Variants in SLIT3 observed in about 807,000 individuals in gnomAD.
SLIT3 encodes the protein slit guidance ligand 3, also known as slit homolog 3 protein.
In SLIT3, 68 loss-of-function variants were observed where a neutral mutation model predicts 184.0. The observed-to-expected ratio is 0.37, with a 90% CI of 0.30 to 0.45. SLIT3 has a LOEUF of 0.45. Ranked by LOEUF, SLIT3 falls within the 20% of genes least tolerant of loss-of-function variation. The probability of loss-of-function intolerance (pLI) is 1.00; values close to 1 mark genes in which losing one functional copy is unlikely to be tolerated. For missense variants in SLIT3, 1,707 were observed against 2,026.0 expected, an observed-to-expected ratio of 0.84 and a Z score of 3.02; for synonymous variants, 831 against 828.6, an observed-to-expected ratio of 1.00 and a Z score of -0.05.
chr5:169,198,473 A>G (rs577192673), intron 3 of SLIT3, among the ~76,000 whole-genome samples: 1 of 152,316 alleles, frequency 6.6e-6, no homozygotes, highest in African/African-American at 2.4e-5. Flanking sequence ...TAGAACACAG[A>G]GGTGACCTGC....
chr5:169,100,201 C>A (rs139180075), intron 4 of SLIT3, among the ~76,000 whole-genome samples: 2 of 152,188 alleles, frequency 1.3e-5, no homozygotes, highest in Non-Finnish European at 2.9e-5. Context: ...CTAGAAGAGC[C>A]TAGGAAGAAT....
rs145370570 is a variant in SLIT3, at chr5:169,245,879, T to C, written c.270-1103A>G. 1.7e-3 allele frequency among the ~76,000 whole-genome samples: 259 copies of C among 152,328 alleles called. 1 individual carries two copies. Among genetic ancestry groups the C allele is most frequent in the African/African-American group, 6.2e-3 (256 of 41,564 alleles). ...GTTCCCAAGTCTATCTTCCCCACTA[T>C]GCCTAAGGAGCAAGAAGATAGACAT... is the stretch of plus-strand genomic sequence containing the variant. On this transcript the variant is annotated intron_variant, in intron 2 of 35. Transcript: ENST00000519560.
In SLIT3 at chr5:168,753,171, TG is replaced by T. The variant is rs1754776896; in HGVS notation, c.1830-74del. The T allele has an allele frequency of 4.0e-6, 6 of 1,502,064 alleles. No individual in the cohort carries two copies. The Admixed American group carries it at 5.3e-5, about 13-fold the overall frequency. The allele number at this position is 1,502,064 out of a possible 1,614,324, so 93.0% of individuals were successfully genotyped here. The stretch of plus-strand genomic sequence containing the variant: ...TGTCCCAAATGGTGCCACGGTGGTG[TG>T]TGTGTGTGTATAGGTGAGATGCTTT... On this transcript the variant is annotated intron_variant, in intron 17 of 35. Coordinates refer to ENST00000519560, the MANE Select transcript of SLIT3 (RefSeq NM_003062.4).
At chr5:168,884,901 C>T (rs1760136265) in intron 4 of SLIT3, among the ~76,000 whole-genome samples, 1 of 151,982 alleles carries the variant, frequency 6.6e-6, no homozygotes, top group African/African-American at 2.4e-5. Context: ...CCTGAGTTGA[C>T]CTACGGACAG....
intron 1 of SLIT3, among the ~76,000 whole-genome samples, chr5:169,252,469 G>A (rs1014788189): frequency 7.9e-5 from 12 of 152,144 alleles, no homozygotes; most frequent in African/African-American, 2.2e-4. Context: ...CTGAAGTCAC[G>A]AACAAGCCTG....
chr5:168,825,635 T>C (rs937398899), intron 6 of SLIT3, among the ~76,000 whole-genome samples: 3 of 152,226 alleles, frequency 2.0e-5, no homozygotes, highest in African/African-American at 7.2e-5. Flanking sequence ...CTTAGCGGTT[T>C]TGTTTCATAT....
In SLIT3 at chr5:169,300,373, G is replaced by C. The variant is rs1767644420; in HGVS notation, c.197+140C>G. The stretch of plus-strand genomic sequence containing the variant: ...AGCCTACAGACCCCCAGCTCGGAGA[G>C]TGAGGGATCGTATCCAGGAAGGGAT... On this transcript the variant is annotated intron_variant, in intron 1 of 35. Transcript: ENST00000519560. This position sits in a 1 kb window ranked among gnomAD's most constrained non-coding sequence, Gnocchi z 4.1. The C allele has an allele frequency of 9.7e-6, 11 of 1,131,698 alleles. No individual in the cohort carries two copies. The South Asian group carries it at 1.7e-4, about 18-fold the overall frequency. 70.1% of individuals were successfully genotyped at this position (1,131,698 alleles called of 1,614,324 possible).
At chr5:168,977,079 T>A (rs1011532029) in intron 4 of SLIT3, among the ~76,000 whole-genome samples, 7 of 152,128 alleles carry the variant, frequency 4.6e-5, no homozygotes, top group Non-Finnish European at 8.8e-5. Flanking sequence ...GGAGGGAAGT[T>A]AATGAAGACA....
chr5:168,885,964 G>C (rs553978048), intron 4 of SLIT3, among the ~76,000 whole-genome samples: 1 of 152,140 alleles, frequency 6.6e-6, no homozygotes, highest in South Asian at 2.1e-4. Context: ...CCTGCACTTG[G>C]GTGGGGCAGC....
intron 3 of SLIT3, among the ~76,000 whole-genome samples, chr5:169,226,936 G>C (rs775862660): frequency 6.6e-6 from 1 of 152,212 alleles, no homozygotes; most frequent in Non-Finnish European, 1.5e-5. Context: ...ACTAAGGCTA[G>C]ACTGACAGTG....
chr5:169,199,997 G>A (rs1421152647), intron 3 of SLIT3, among the ~76,000 whole-genome samples: 1 of 152,230 alleles, frequency 6.6e-6, no homozygotes, highest in African/African-American at 2.4e-5. Flanking sequence ...TGCTGATCCG[G>A]GAAGTCACAC....
intron 4 of SLIT3, among the ~76,000 whole-genome samples, chr5:169,096,012 G>A (rs1759765082): frequency 6.6e-6 from 1 of 152,116 alleles, no homozygotes; most frequent in Admixed American, 6.5e-5. Context: ...CCTCCCTCAA[G>A]GCAAGACAAG....
chr5:169,281,675 T>C (rs377332579), intron 1 of SLIT3, among the ~76,000 whole-genome samples: 1 of 152,340 alleles, frequency 6.6e-6, no homozygotes, highest in East Asian at 1.9e-4. Flanking sequence ...ACTATTAACT[T>C]CTCTGTAACT....
intron 20 of SLIT3, among the ~76,000 whole-genome samples, chr5:168,747,777 T>C (rs116351708): frequency 0.013 from 1,994 of 152,188 alleles, 47 homozygotes; most frequent in African/African-American, 0.045. Context: ...GTTCTGAGAA[T>C]GAATGGGACT....
intron 26 of SLIT3, among the ~76,000 whole-genome samples, chr5:168,706,041 G>A (rs1762363578): frequency 6.6e-6 from 1 of 152,224 alleles, no homozygotes; most frequent in Admixed American, 6.5e-5. Context: ...TGCAGTCACA[G>A]TTCTAGGAGA....
chr5:168,776,284 G>T (rs1755744317), intron 12 of SLIT3, among the ~76,000 whole-genome samples: 1 of 152,174 alleles, frequency 6.6e-6, no homozygotes, highest in African/African-American at 2.4e-5. Flanking sequence ...AAGCAGCTGT[G>T]GCAGTGACAA....
At chr5:169,205,132 G>A in intron 3 of SLIT3, among the ~76,000 whole-genome samples, 1 of 152,220 alleles carries the variant, frequency 6.6e-6, no homozygotes, top group Admixed American at 6.5e-5. Context: ...TTAAGCGGGT[G>A]AGGAATGGTG....
chr5:168,724,708 G>T (rs2113376660), intron 20 of SLIT3, among the ~76,000 whole-genome samples: 1 of 152,176 alleles, frequency 6.6e-6, no homozygotes, highest in Non-Finnish European at 1.5e-5. Context: ...TTTCATGTTG[G>T]CAGGATTCTT....
chr5:168,684,159 T>C, intron 31 of SLIT3, 63 bp from the exon 32 acceptor site: 1 of 1,441,474 alleles, frequency 6.9e-7, no homozygotes, highest in Non-Finnish European at 9.2e-7. Flanking sequence ...TCCCTGCCCA[T>C]CTCACAGAGC....
Sources: allele counts gnomAD v4.1 joint callset (sites outside exome capture counted in the v4.1 genomes callset), GRCh38; gene constraint gnomAD v4.1.1; non-coding constraint Gnocchi (gnomAD v3.1); transcripts MANE v1.5; gene names NCBI Gene and HGNC (gene_info 2026-07-23, HGNC 2026-07-21).